The following LCORL variants were observed in gnomAD, a reference collection of about 807,000 sequenced individuals.
The protein encoded by LCORL is ligand dependent nuclear receptor corepressor like, also known as ligand-dependent nuclear receptor corepressor-like protein.
A neutral mutation model predicts 141.8 loss-of-function variants in LCORL; 41 were observed. That is an observed-to-expected ratio of 0.29 (90% CI 0.23 to 0.38). The LOEUF (loss-of-function observed/expected upper bound fraction) is 0.38. Among genes scored for constraint, LCORL ranks in the 10% least tolerant of loss-of-function variants. The pLI is 1.00. For missense variants in LCORL, 1,759 were observed against 2,035.0 expected, an observed-to-expected ratio of 0.86 and a Z score of 2.61; for synonymous variants, 618 against 694.1, an observed-to-expected ratio of 0.89 and a Z score of 1.72.
At chr4:17,986,971 G>A (rs1177900428) in intron 1 of LCORL, among the ~76,000 whole-genome samples, 1 of 151,712 alleles carries the variant, frequency 6.6e-6, no homozygotes, top group African/African-American at 2.4e-5. Flanking sequence ...CTTGTTTTAT[G>A]CTTTGTATAT....
Position 17,891,622 on chromosome 4 carries a change from G to A in LCORL, c.683-5461C>T, listed in dbSNP as rs574379382. On this transcript the variant is annotated intron_variant, in intron 5 of 7. Transcript: ENST00000635767. ...AAAAAACTGCAAATGCTACTGTAAC[G>A]TTTTTAAAAGGTATGATATAAAAAT... Among the ~76,000 whole-genome samples, 44 of 152,178 alleles carry A rather than the reference G, an allele frequency of 2.9e-4. No homozygotes were observed. The South Asian group carries it at 3.9e-3, about 14-fold the overall frequency.
intron 2 of LCORL, among the ~76,000 whole-genome samples, chr4:17,968,696 T>G (rs1577581978): frequency 6.6e-6 from 1 of 152,198 alleles, no homozygotes; most frequent in Non-Finnish European, 1.5e-5. Flanking sequence ...CATTATAGTA[T>G]AAAAGCAGCC....
At chr4:17,898,652 G>GTTTTTTTTTTTTTTTTTTTTT (rs34770223) in intron 5 of LCORL, among the ~76,000 whole-genome samples, 3 of 119,272 alleles carry the variant, frequency 2.5e-5, no homozygotes, top group African/African-American at 3.1e-5. Context: ...CATTCTCACC[G>GTTTTTTTTTTTTTTTTTTTTT]TTTTTTTTTT....
intron 1 of LCORL, among the ~76,000 whole-genome samples, chr4:18,014,867 T>C (rs567735597): frequency 6.6e-6 from 1 of 152,344 alleles, no homozygotes; most frequent in Admixed American, 6.5e-5. Flanking sequence ...CAAAGATTAC[T>C]TGATTACAGA....
chr4:18,005,355 C>T (rs1253195355), intron 1 of LCORL, among the ~76,000 whole-genome samples: 1 of 152,200 alleles, frequency 6.6e-6, no homozygotes, highest in Non-Finnish European at 1.5e-5. Context: ...CTCCCAGCTG[C>T]TTTCACAGGC....
chr4:17,891,588 T>C (rs1577342534), intron 5 of LCORL, among the ~76,000 whole-genome samples: 2 of 152,224 alleles, frequency 1.3e-5, no homozygotes, highest in East Asian at 3.9e-4. Context: ...AAGGCATTAA[T>C]AAAGCATGAA....
intron 4 of LCORL, among the ~76,000 whole-genome samples, chr4:17,920,628 T>C (rs975579147): frequency 2.7e-4 from 41 of 152,244 alleles, no homozygotes; most frequent in African/African-American, 9.6e-4. Context: ...CAAGTAGAAC[T>C]TCTTTCAAAA....
intron 4 of LCORL, among the ~76,000 whole-genome samples, chr4:17,931,573 T>G (rs1379030497): frequency 2.0e-5 from 3 of 152,040 alleles, no homozygotes; most frequent in African/African-American, 7.2e-5. Flanking sequence ...ACTATACACC[T>G]AAAGTTGTTT....
chr4:18,005,144 C>G (rs1722591669), intron 1 of LCORL, among the ~76,000 whole-genome samples: 1 of 152,132 alleles, frequency 6.6e-6, no homozygotes, highest in Non-Finnish European at 1.5e-5. Flanking sequence ...GTCTCGAACT[C>G]CTGACCTCAG....
chr4:17,946,441 T>C (rs1049301977), intron 4 of LCORL, among the ~76,000 whole-genome samples: 6 of 152,060 alleles, frequency 3.9e-5, no homozygotes, highest in African/African-American at 1.4e-4. Context: ...ATATATAATT[T>C]AGTAAATTGA....
At chr4:17,938,925 A>T (rs1220461198) in intron 4 of LCORL, among the ~76,000 whole-genome samples, 1 of 152,196 alleles carries the variant, frequency 6.6e-6, no homozygotes, top group Admixed American at 6.5e-5. Flanking sequence ...GAACTAACAC[A>T]TCTTCAACCT....
At chr4:17,886,022 A>T (rs1160202351) in intron 6 of LCORL, 46 bp downstream of exon 6, 1 of 1,034,716 alleles carries the variant, frequency 9.7e-7, no homozygotes, top group Non-Finnish European at 1.4e-6. Flanking sequence ...CTCTGCAGAG[A>T]TAATTTTATA....
At chr4:18,013,761 G>C (rs189748421) in intron 1 of LCORL, among the ~76,000 whole-genome samples, 224 of 152,000 alleles carry the variant, frequency 1.5e-3, no homozygotes, top group African/African-American at 5.1e-3. Context: ...AATGGAGAAA[G>C]CTCTTAAATT....
chr4:18,011,369 A>G (rs1293642134), intron 1 of LCORL, among the ~76,000 whole-genome samples: 1 of 152,044 alleles, frequency 6.6e-6, no homozygotes, highest in Non-Finnish European at 1.5e-5. Flanking sequence ...AACCTGCACC[A>G]ACAACAGATG....
At chr4:17,896,351 T>G (rs558652213) in intron 5 of LCORL, among the ~76,000 whole-genome samples, 10 of 152,112 alleles carry the variant, frequency 6.6e-5, no homozygotes, top group Non-Finnish European at 1.3e-4. Context: ...TGGCACAATC[T>G]CAGCTCACTG....
chr4:17,881,559 C>T (rs1218287407), intron 6 of LCORL: 4 of 961,048 alleles, frequency 4.2e-6, no homozygotes, highest in East Asian at 2.3e-4. Context: ...TATAAAACTA[C>T]TGATTACTGT....
chr4:18,008,235 A>C (rs1177003290), intron 1 of LCORL, among the ~76,000 whole-genome samples: 2 of 152,174 alleles, frequency 1.3e-5, no homozygotes, highest in African/African-American at 2.4e-5. Flanking sequence ...TCTCATCATC[A>C]GTTGTAAAAG....
chr4:17,869,847 T>C (rs900265085), intron 7 of LCORL, among the ~76,000 whole-genome samples: 2 of 152,156 alleles, frequency 1.3e-5, no homozygotes, highest in Admixed American at 6.5e-5. Context: ...GCATTCTATC[T>C]TAGTAGATCT....
At chr4:17,934,349 G>C (rs1397034409) in intron 4 of LCORL, among the ~76,000 whole-genome samples, 4 of 151,994 alleles carry the variant, frequency 2.6e-5, no homozygotes. Context: ...TGTACTTCCT[G>C]TTTAGTTCTT....
Sources: gnomAD v4.1 joint callset for allele counts (sites outside exome capture counted in the v4.1 genomes callset) on GRCh38, gnomAD v4.1.1 for gene constraint, MANE v1.5 for transcripts, NCBI Gene and HGNC (gene_info 2026-07-23, HGNC 2026-07-21) for gene names.